Variants in CSMD3 observed in about 807,000 individuals in gnomAD.
The protein encoded by CSMD3 is CUB and Sushi multiple domains 3, also known as CUB and sushi domain-containing protein 3.
In CSMD3, 177 loss-of-function variants were observed where a neutral mutation model predicts 435.2. The observed-to-expected ratio is 0.41, with a 90% CI of 0.36 to 0.46. The LOEUF (loss-of-function observed/expected upper bound fraction) is 0.46. CSMD3 is among the 20% of genes least tolerant of loss of function. The pLI is 0.34. For synonymous variants in CSMD3, 1,656 were observed against 1,520.5 expected (o/e 1.09, Z -2.07); for missense variants, 4,265 against 4,504.6 (o/e 0.95, Z 1.52).
chr8:113,265,327 G>A (rs1276639117), intron 3 of CSMD3, among the ~76,000 whole-genome samples: 1 of 151,422 alleles, frequency 6.6e-6, no homozygotes, highest in Non-Finnish European at 1.5e-5. Context: ...GGTTAAGACT[G>A]GGTAATTCAA....
chr8:112,642,145 G>A (rs1169336590), intron 20 of CSMD3, among the ~76,000 whole-genome samples: 2 of 151,964 alleles, frequency 1.3e-5, no homozygotes, highest in African/African-American at 4.8e-5. Context: ...CTAGGTTTTA[G>A]TTATAGTCAT....
chr8:112,874,972 G>A (rs2081239151), intron 10 of CSMD3, among the ~76,000 whole-genome samples: 1 of 152,068 alleles, frequency 6.6e-6, no homozygotes, highest in Admixed American at 6.6e-5. Context: ...GATGCTAGCT[G>A]GTTATTTTGT....
intron 59 of CSMD3, among the ~76,000 whole-genome samples, chr8:112,276,397 C>T (rs747798318): frequency 1.3e-5 from 2 of 152,192 alleles, no homozygotes; most frequent in African/African-American, 4.8e-5. Context: ...GACAGTGACC[C>T]TCTTCTCACA....
intron 9 of CSMD3, among the ~76,000 whole-genome samples, chr8:112,937,313 T>C (rs1179311646): frequency 6.6e-6 from 1 of 151,926 alleles, no homozygotes; most frequent in Non-Finnish European, 1.5e-5. Flanking sequence ...AGAACAGTTA[T>C]GCTTTTATTA....
At chr8:112,242,212 A>T (rs768134781) in intron 65 of CSMD3, among the ~76,000 whole-genome samples, 1 of 152,122 alleles carries the variant, frequency 6.6e-6, no homozygotes, top group Non-Finnish European at 1.5e-5. Context: ...ATAATTAAAG[A>T]TGTCACCAGA....
chr8:112,561,298 T>C (rs1363170425), intron 24 of CSMD3, among the ~76,000 whole-genome samples: 2 of 151,668 alleles, frequency 1.3e-5, no homozygotes, highest in East Asian at 3.9e-4. Context: ...TTGTGAAATT[T>C]TATACGCTGG....
intron 17 of CSMD3, among the ~76,000 whole-genome samples, chr8:112,663,803 G>A (rs1231875481): frequency 2.0e-5 from 3 of 152,106 alleles, no homozygotes; most frequent in Non-Finnish European, 4.4e-5. Context: ...CCTGCATTAT[G>A]GTTTTCATGA....
Position 112,573,532 on chromosome 8 carries a change from C to G in CSMD3, c.4011G>C (p.Gly1337=), listed in dbSNP as rs1563720128. The part of the protein sequence containing the change: ...LWLEFNSDTE[G]TDEGFQLVYT... ...ACACAAGTTGAAAGCCTTCATCTGTCCCTTCAGTATCGGAATTAAATTCTA... is the reference window on the plus strand; with the variant it reads ...ACACAAGTTGAAAGCCTTCATCTGTGCCTTCAGTATCGGAATTAAATTCTA... The change falls in exon 24 of 71, where the codon GGG becomes GGC. Residue 1337 remains glycine, a synonymous_variant. Transcript: ENST00000297405. The G allele has an allele frequency of 1.9e-6, 3 of 1,613,524 alleles. No homozygotes were observed. Among genetic ancestry groups the G allele is most frequent in the Non-Finnish European group, 2.5e-6 (3 of 1,179,598 alleles).
chr8:112,512,580 G>A (rs1310847811), intron 28 of CSMD3, among the ~76,000 whole-genome samples: 1 of 152,148 alleles, frequency 6.6e-6, no homozygotes, highest in Non-Finnish European at 1.5e-5. Flanking sequence ...CGTTATCCAA[G>A]CTTAATTGTT....
chr8:112,820,347 T>G (rs1396349656), intron 12 of CSMD3, among the ~76,000 whole-genome samples: 1 of 152,156 alleles, frequency 6.6e-6, no homozygotes, highest in Non-Finnish European at 1.5e-5. Flanking sequence ...AGAGGTCAAT[T>G]GTTAATCAAT....
intron 5 of CSMD3, among the ~76,000 whole-genome samples, chr8:113,042,798 A>G (rs2131294389): frequency 6.6e-6 from 1 of 152,314 alleles, no homozygotes; most frequent in South Asian, 2.1e-4. Context: ...AACTGAAGGA[A>G]AATATAATAG....
chr8:113,382,782 C>T lies in CSMD3; in HGVS notation c.178+53895G>A, dbSNP rs148099595. Among the ~76,000 whole-genome samples, 835 of 152,020 alleles carry T rather than the reference C, an allele frequency of 5.5e-3. 8 individuals are homozygous for T. The highest frequency in any genetic ancestry group is 0.019 in the African/African-American group (797 of 41,482). On this transcript the variant is annotated intron_variant, in intron 1 of 70. Coordinates refer to ENST00000297405, the MANE Select transcript of CSMD3 (RefSeq NM_198123.2). ...ATCACTTGAGGTCAGGAGTTCCACACCAGGCCTGGACAACATGATGAAACC... is the reference window on the plus strand; with the variant it reads ...ATCACTTGAGGTCAGGAGTTCCACATCAGGCCTGGACAACATGATGAAACC...
Position 112,735,509 on chromosome 8 carries a change from T to C in CSMD3, c.1973-45459A>G, listed in dbSNP as rs376071054. Among the ~76,000 whole-genome samples the C allele has an allele frequency of 4.6e-5, 7 of 152,020 alleles. No homozygotes were observed. In the East Asian group the frequency reaches 1.2e-3, roughly 25 times the overall value. ...GTTATCTTAGTTTTATTTGACAAACTTATAATTTTATGTTCCAGTATTGTG... is the reference window on the plus strand; with the variant it reads ...GTTATCTTAGTTTTATTTGACAAACCTATAATTTTATGTTCCAGTATTGTG... On this transcript the variant is annotated intron_variant, in intron 13 of 70. Coordinates refer to ENST00000297405, the MANE Select transcript of CSMD3 (RefSeq NM_198123.2).
chr8:112,581,607 A>G (rs1830340470), intron 23 of CSMD3, among the ~76,000 whole-genome samples: 1 of 152,062 alleles, frequency 6.6e-6, no homozygotes, highest in African/African-American at 2.4e-5. Context: ...TTATATAGTA[A>G]ATTTGTCCTT....
At chr8:112,701,785 A>G (rs2076394690) in intron 13 of CSMD3, among the ~76,000 whole-genome samples, 1 of 152,120 alleles carries the variant, frequency 6.6e-6, no homozygotes, top group Admixed American at 6.6e-5. Flanking sequence ...CCTAAGTGTT[A>G]GACATGTTGA....
chr8:112,245,630 G>A (rs10808452), intron 64 of CSMD3, among the ~76,000 whole-genome samples: 6 of 151,742 alleles, frequency 4.0e-5, no homozygotes, highest in Admixed American at 6.6e-5. Context: ...CTCCACCTCC[G>A]GGGTTCAAGC....
At position 112,501,293 on chromosome 8, in the gene CSMD3, A is replaced by T. The variant is rs141829541; in HGVS notation, c.5083+2497T>A. On this transcript the variant is annotated intron_variant, in intron 30 of 70. Coordinates refer to ENST00000297405, the MANE Select transcript of CSMD3 (RefSeq NM_198123.2). ...GTTAAAACTCGGGACCATAGTTAAA[A>T]CAATTAATAATAATTGAATGAACTC... 2.4e-4 allele frequency among the ~76,000 whole-genome samples: 37 copies of T among 151,950 alleles called. No homozygotes were observed. The East Asian group carries it at 7.2e-3, about 30-fold the overall frequency.
intron 3 of CSMD3, among the ~76,000 whole-genome samples, chr8:113,224,336 T>C (rs1001880460): frequency 1.5e-4 from 23 of 151,326 alleles, no homozygotes; most frequent in African/African-American, 4.6e-4. Context: ...CATTCATCTA[T>C]AGACATCTAC....
intron 10 of CSMD3, 75 bp from the exon 11 acceptor site, chr8:112,859,341 TAG>T: frequency 8.2e-7 from 1 of 1,218,436 alleles, no homozygotes; most frequent in Non-Finnish European, 1.2e-6. Flanking sequence ...ATCTTGCAAA[TAG>T]ACTTTACATT....
Sources: gnomAD v4.1 joint callset for allele counts (sites outside exome capture counted in the v4.1 genomes callset) on GRCh38, gnomAD v4.1.1 for gene constraint, MANE v1.5 for transcripts, NCBI Gene and HGNC (gene_info 2026-07-23, HGNC 2026-07-21) for gene names.